Variants in LRRC37A observed in about 807,000 individuals in gnomAD.
The protein encoded by LRRC37A is leucine rich repeat containing 37A, also known as leucine-rich repeat-containing protein 37A.
In LRRC37A, 3 loss-of-function variants were observed where a neutral mutation model predicts 35.4. The ratio of observed to expected loss-of-function variants is 0.08; its 90% confidence interval spans 0.04 to 0.22. The LOEUF is 0.22. Ranked by LOEUF, LRRC37A falls within the 10% of genes least tolerant of loss-of-function variation. LRRC37A has a pLI of 1.00. For synonymous variants in LRRC37A, 23 were observed against 215.0 expected, an observed-to-expected ratio of 0.11 and a Z score of 7.81; for missense variants, 67 against 565.3, an observed-to-expected ratio of 0.12 and a Z score of 8.94.
At chr17:46,272,071 TA>T in the LRRC37A span, among the ~76,000 whole-genome samples, 1 of 152,260 alleles carries the variant, frequency 6.6e-6, no homozygotes, top group African/African-American at 2.4e-5. Context: ...CAATTTTATT[TA>T]AACCTCCTGT....
chr17:46,280,569 C>CT, the LRRC37A span, among the ~76,000 whole-genome samples: 12,925 of 111,840 alleles, frequency 0.12, 2,208 homozygotes, highest in African/African-American at 0.33. Context: ...TGATAGCACA[C>CT]TTTTTTTTTT....
the LRRC37A span, among the ~76,000 whole-genome samples, chr17:46,268,951 C>A: frequency 1.3e-5 from 2 of 152,224 alleles, no homozygotes; most frequent in Non-Finnish European, 2.9e-5. Context: ...AGATAACTGA[C>A]CTGTCTAGTT....
At chr17:46,254,165 C>T in the LRRC37A span, among the ~76,000 whole-genome samples, 1 of 152,098 alleles carries the variant, frequency 6.6e-6, no homozygotes, top group Non-Finnish European at 1.5e-5. Flanking sequence ...CTAGCACTGC[C>T]GTTCCTAGAC....
At chr17:46,288,931 C>T (rs1489028086), upstream of LRRC37A, among the ~76,000 whole-genome samples, 1 of 152,188 alleles carries the variant, frequency 6.6e-6, no homozygotes, top group Non-Finnish European at 1.5e-5. Context: ...CCTTGAACTC[C>T]TGACCTCAGG....
At chr17:46,260,198 C>A in the LRRC37A span, 3 of 1,525,184 alleles carry the variant, frequency 2.0e-6, 1 homozygote, top group South Asian at 1.2e-5. Flanking sequence ...AGGCAGTCAA[C>A]GCTCAGCTCA....
upstream of LRRC37A, among the ~76,000 whole-genome samples, chr17:46,288,851 G>A (rs1305518471): frequency 2.0e-5 from 3 of 151,764 alleles, no homozygotes; most frequent in African/African-American, 4.8e-5. Context: ...CCACAGGCAC[G>A]TGCCACCAAG....
At chr17:46,291,734 G>A (rs575865023), upstream of LRRC37A, among the ~76,000 whole-genome samples, 268 of 151,974 alleles carry the variant, frequency 1.8e-3, no homozygotes, top group African/African-American at 6.2e-3. Flanking sequence ...AGACCAGCCT[G>A]GGCAACATGG....
the LRRC37A span, among the ~76,000 whole-genome samples, chr17:46,264,978 AAGGGG>A: frequency 1.5e-4 from 23 of 152,266 alleles, no homozygotes; most frequent in Admixed American, 1.1e-3. Flanking sequence ...CACGTGAAAG[AAGGGG>A]ATCTGAGGAC....
chr17:46,266,973 C>A, the LRRC37A span: 1 of 155,160 alleles, frequency 6.4e-6, no homozygotes, highest in South Asian at 1.8e-4. Context: ...CCTGCCCACC[C>A]CAACCGGCCG....
In LRRC37A at chr17:46,332,818, G is replaced by A. The variant is rs1245111018; in HGVS notation, c.4809+162G>A. ...GTGTATGCTTTGTTCTTTTATTGCAGTGTATATTTCAGGATTTTTAAAGGA... is the reference window on the plus strand; with the variant it reads ...GTGTATGCTTTGTTCTTTTATTGCAATGTATATTTCAGGATTTTTAAAGGA... On this transcript the variant is annotated intron_variant, in intron 10 of 13. Transcript: ENST00000320254. The A allele has an allele frequency of 8.6e-5, 32 of 370,562 alleles. 1 individual carries two copies. The highest frequency in any genetic ancestry group is 7.1e-4 in the South Asian group (28 of 39,380). The allele number at this position is 370,562 out of a possible 1,614,324, so 23.0% of individuals were successfully genotyped here. A position where few individuals can be genotyped will look rare whatever the true frequency, so the allele number is the denominator to read the frequency against.
At chr17:46,256,886 G>A in the LRRC37A span, among the ~76,000 whole-genome samples, 1 of 117,720 alleles carries the variant, frequency 8.5e-6, no homozygotes, top group Non-Finnish European at 2.2e-5. Flanking sequence ...AAGAAGTGGT[G>A]AAGAAGGCGG....
the LRRC37A span, among the ~76,000 whole-genome samples, chr17:46,285,937 C>T: frequency 2.6e-5 from 4 of 152,250 alleles, no homozygotes; most frequent in African/African-American, 9.6e-5. Context: ...TCCTCATCAT[C>T]CTTCTCTGTT....
At chr17:46,262,362 T>C in the LRRC37A span, among the ~76,000 whole-genome samples, 1 of 124,228 alleles carries the variant, frequency 8.0e-6, no homozygotes, top group Non-Finnish European at 1.9e-5. Flanking sequence ...CCTTCCCCTC[T>C]TCTTCTTCTT....
Position 46,309,031 on chromosome 17 carries a change from T to C in LRRC37A, c.2906+2722T>C, listed in dbSNP as rs548026658. ...GTAAATCTCTTGAATGAAGCCTCTA[T>C]GTTATTGACAAATACTGACTGGCCA... On this transcript the variant is annotated intron_variant, in intron 5 of 13. Transcript: ENST00000320254. Among the ~76,000 whole-genome samples, 187 of 77,624 alleles carry C rather than the reference T, an allele frequency of 2.4e-3. 55 individuals carry two copies. Among genetic ancestry groups the C allele is most frequent in the African/African-American group, 5.6e-3 (169 of 30,224 alleles). The allele number at this position is 77,624 out of a possible 152,430, so 50.9% of individuals were successfully genotyped here.
At chr17:46,290,240 T>C (rs1370194979), upstream of LRRC37A, among the ~76,000 whole-genome samples, 4 of 152,324 alleles carry the variant, frequency 2.6e-5, no homozygotes, top group Non-Finnish European at 5.9e-5. Flanking sequence ...AGCAGTCCCC[T>C]GGCCTCAGCC....
chr17:46,261,119 T>C, the LRRC37A span, among the ~76,000 whole-genome samples: 1 of 152,226 alleles, frequency 6.6e-6, no homozygotes, highest in Non-Finnish European at 1.5e-5. Flanking sequence ...TCTATATTGC[T>C]TGGGTGATGG....
chr17:46,278,406 T>G, the LRRC37A span, among the ~76,000 whole-genome samples: 2 of 140,712 alleles, frequency 1.4e-5, no homozygotes, highest in East Asian at 2.0e-4. Flanking sequence ...ATTTTGTTTT[T>G]TTTTTGTTGT....
At chr17:46,264,715 C>G in the LRRC37A span, among the ~76,000 whole-genome samples, 11 of 152,360 alleles carry the variant, frequency 7.2e-5, no homozygotes, top group Non-Finnish European at 1.2e-4. Flanking sequence ...AGACCCAGCA[C>G]TGGACTCTGG....
At chr17:46,254,834 G>A in the LRRC37A span, among the ~76,000 whole-genome samples, 1 of 147,124 alleles carries the variant, frequency 6.8e-6, no homozygotes, top group African/African-American at 2.5e-5. Context: ...CACCGCGCCT[G>A]TTTTTTTTGT....
Sources: allele counts gnomAD v4.1 joint callset (sites outside exome capture counted in the v4.1 genomes callset), GRCh38; gene constraint gnomAD v4.1.1; transcripts MANE v1.5; gene names NCBI Gene and HGNC (gene_info 2026-07-23, HGNC 2026-07-21).